Variants in VAT1L observed in about 807,000 individuals in gnomAD.
The protein encoded by VAT1L is putative NADPH-dependent quinone oxidoreductase VAT1L.
VAT1L carries 34 observed loss-of-function variants against 44.1 expected under a neutral mutation model. The observed-to-expected ratio is 0.77, with a 90% CI of 0.59 to 1.03. The LOEUF (loss-of-function observed/expected upper bound fraction) is 1.03, where lower values mean the gene tolerates loss of function less well. Among genes scored for constraint, VAT1L ranks in the 50% least tolerant of loss-of-function variants. VAT1L has a pLI of 0.00. For synonymous variants in VAT1L, 253 were observed against 202.2 expected, an observed-to-expected ratio of 1.25 and a Z score of -2.13; for missense variants, 615 against 538.8, an observed-to-expected ratio of 1.14 and a Z score of -1.40.
intron 3 of VAT1L, among the ~76,000 whole-genome samples, chr16:77,844,066 G>A (rs1005477225): frequency 3.9e-5 from 6 of 152,144 alleles, no homozygotes; most frequent in African/African-American, 9.7e-5. Flanking sequence ...AGGGAGAAAG[G>A]CACATAGCTA....
chr16:77,798,507 A>G (rs774528901), intron 1 of VAT1L, among the ~76,000 whole-genome samples: 14 of 152,216 alleles, frequency 9.2e-5, no homozygotes, highest in Non-Finnish European at 1.6e-4. Flanking sequence ...ATGTTGATAC[A>G]TTTCATATTT....
chr16:77,863,198 G>A (rs961917839), intron 4 of VAT1L, among the ~76,000 whole-genome samples: 2 of 152,300 alleles, frequency 1.3e-5, no homozygotes, highest in Non-Finnish European at 2.9e-5. Flanking sequence ...AGCTTAAGGT[G>A]GATATTTGGT....
intron 6 of VAT1L, among the ~76,000 whole-genome samples, chr16:77,883,803 C>T (rs983308309): frequency 2.6e-5 from 4 of 152,132 alleles, no homozygotes; most frequent in Non-Finnish European, 5.9e-5. Flanking sequence ...CTACCCGCCT[C>T]CCCAGATTTA....
intron 3 of VAT1L, among the ~76,000 whole-genome samples, chr16:77,831,913 T>C (rs1336823925): frequency 6.6e-6 from 1 of 151,834 alleles, no homozygotes; most frequent in East Asian, 1.9e-4. Flanking sequence ...CCTCCCGGCT[T>C]CAATCGATTC....
intron 7 of VAT1L, among the ~76,000 whole-genome samples, chr16:77,920,911 A>G (rs2017604494): frequency 6.7e-6 from 1 of 149,816 alleles, no homozygotes; most frequent in Non-Finnish European, 1.5e-5. Flanking sequence ...TATCCTCATC[A>G]TTAGGTGTCA....
intron 7 of VAT1L, among the ~76,000 whole-genome samples, chr16:77,946,173 C>T (rs2435077): frequency 6.6e-6 from 1 of 151,584 alleles, no homozygotes. Context: ...CCCTCTTGTA[C>T]ACTCATAAGC....
rs571671242 is a variant in VAT1L at position 77,859,149 on chromosome 16, A to T, written c.580-3599A>T. On this transcript the variant is annotated intron_variant, in intron 3 of 8. Transcript: ENST00000302536. Reference sequence around the variant, plus strand: ...AAACTCCATCTCAAAAAAAAAAAAAAACTATTTGGGTGTGGTGGCATGTAC... The same window carrying T: ...AAACTCCATCTCAAAAAAAAAAAAATACTATTTGGGTGTGGTGGCATGTAC... Among the ~76,000 whole-genome samples the T allele has an allele frequency of 1.7e-4, 26 of 151,916 alleles. No homozygotes were observed. The East Asian group carries it at 4.5e-3, about 26-fold the overall frequency.
chr16:77,798,732 G>A (rs925489776), intron 1 of VAT1L, among the ~76,000 whole-genome samples: 3 of 152,178 alleles, frequency 2.0e-5, no homozygotes, highest in African/African-American at 7.2e-5. Flanking sequence ...ATATGCCACT[G>A]TGTCATGACA....
At chr16:77,814,020 T>G (rs2016310075) in intron 1 of VAT1L, among the ~76,000 whole-genome samples, 1 of 152,216 alleles carries the variant, frequency 6.6e-6, no homozygotes, top group African/African-American at 2.4e-5. Flanking sequence ...AGATCCTGAC[T>G]TTGACACTTT....
chr16:77,879,314 CA>C lies in VAT1L; in HGVS notation c.882+91del. The C allele has an allele frequency of 7.0e-7, 1 of 1,423,214 alleles. No homozygotes were observed. The highest frequency in any genetic ancestry group is 9.9e-7 in the Non-Finnish European group (1 of 1,009,044). 88.2% of individuals were successfully genotyped at this position (1,423,214 alleles called of 1,614,324 possible). A position where few individuals can be genotyped will look rare whatever the true frequency, so the allele number is the denominator to read the frequency against. Reference sequence around the variant, plus strand: ...TTTTGTTTGTTTGTTTGTTTTGAGACAGCGTCTCGTTCTGTCACCAGGCTGG... The same window carrying C: ...TTTTGTTTGTTTGTTTGTTTTGAGACGCGTCTCGTTCTGTCACCAGGCTGG... On this transcript the variant is annotated intron_variant, in intron 6 of 8. Transcript: ENST00000302536. The surrounding 1 kb of genome is among the most constrained non-coding windows in gnomAD (Gnocchi z 4.1).
intron 7 of VAT1L, among the ~76,000 whole-genome samples, chr16:77,943,080 G>A (rs1231655993): frequency 3.7e-5 from 5 of 134,388 alleles, no homozygotes; most frequent in Non-Finnish European, 8.0e-5. Context: ...TTTTTGAGAT[G>A]GAGTCTGCCT....
intron 7 of VAT1L, among the ~76,000 whole-genome samples, chr16:77,922,032 G>A (rs1203321171): frequency 6.6e-6 from 1 of 152,184 alleles, no homozygotes; most frequent in Non-Finnish European, 1.5e-5. Context: ...ACAGGCATGA[G>A]CCACTGCATT....
At position 77,835,664 on chromosome 16, in the gene VAT1L, GGAGTTCAAAACCAGCCTGGCCAACAT is replaced by G. The variant is rs1435899013; in HGVS notation, c.579+10205_579+10230del. ...AAAGCAGGTGGATCACCTGAGGTCA[GGAGTTCAAAACCAGCCTGGCCAACAT>G]GGTGAAACCCCATCTCTACTAAAAA... On this transcript the variant is annotated intron_variant, in intron 3 of 8. Transcript: ENST00000302536. Among the ~76,000 whole-genome samples, 9 of 152,248 alleles carry G rather than the reference GGAGTTCAAAACCAGCCTGGCCAACAT, an allele frequency of 5.9e-5. No individual in the cohort carries two copies. The East Asian group carries it at 1.7e-3, about 30-fold the overall frequency.
chr16:77,870,044 T>C (rs1373469857), intron 4 of VAT1L, among the ~76,000 whole-genome samples: 1 of 152,198 alleles, frequency 6.6e-6, no homozygotes, highest in Non-Finnish European at 1.5e-5. Flanking sequence ...TAGAAGGCAT[T>C]CCTGGAGGTA....
intron 1 of VAT1L, among the ~76,000 whole-genome samples, chr16:77,791,784 T>C (rs1048550261): frequency 3.3e-5 from 5 of 152,182 alleles, no homozygotes; most frequent in African/African-American, 7.2e-5. Context: ...CTCCAGAAAG[T>C]AGAGACATTT....
At chr16:77,819,507 G>C (rs1221760155) in intron 2 of VAT1L, among the ~76,000 whole-genome samples, 1 of 151,896 alleles carries the variant, frequency 6.6e-6, no homozygotes, top group Non-Finnish European at 1.5e-5. Context: ...TCAGCCTCCT[G>C]AGTAGCTGGG....
At chr16:77,962,383 C>T (rs1468326848) in intron 7 of VAT1L, among the ~76,000 whole-genome samples, 2 of 152,024 alleles carry the variant, frequency 1.3e-5, no homozygotes, top group Non-Finnish European at 2.9e-5. Context: ...CCTTTGGCTT[C>T]AACCAAAGGG....
In VAT1L at chr16:77,884,485, T is replaced by C. The variant is rs751420957; in HGVS notation, c.883-123T>C. On this transcript the variant is annotated intron_variant, in intron 6 of 8. Coordinates refer to ENST00000302536, the MANE Select transcript of VAT1L (RefSeq NM_020927.3). The surrounding 1 kb of genome is among the most constrained non-coding windows in gnomAD (Gnocchi z 4.5). ...CACCAAGAGCAACCCCTTGGCCAGC[T>C]GGAATCTGCTGAGCTGCAGCCCCAC... 1.1e-5 allele frequency: 9 copies of C among 853,386 alleles called. No homozygotes were observed. Among genetic ancestry groups the C allele is most frequent in the African/African-American group, 1.8e-5 (1 of 55,100 alleles). 52.9% of individuals were successfully genotyped at this position (853,386 alleles called of 1,614,324 possible). A position where few individuals can be genotyped will look rare whatever the true frequency, so the allele number is the denominator to read the frequency against.
rs2016927697 is a variant in VAT1L at position 77,862,657 on chromosome 16, G to A, written c.580-91G>A. On this transcript the variant is annotated intron_variant, in intron 3 of 8. Coordinates refer to ENST00000302536, the MANE Select transcript of VAT1L (RefSeq NM_020927.3). ...AAAAAAAAAAAAAAAAGTCAATAGTGCCGATGGAGAAATCCTGCTCTACAC... is the reference window on the plus strand; with the variant it reads ...AAAAAAAAAAAAAAAAGTCAATAGTACCGATGGAGAAATCCTGCTCTACAC... 4 of 915,178 alleles carry A rather than the reference G, an allele frequency of 4.4e-6. No individual in the cohort carries two copies. In the South Asian group the frequency reaches 5.9e-5, roughly 14 times the overall value. The allele number at this position is 915,178 out of a possible 1,614,324, so 56.7% of individuals were successfully genotyped here.
Sources: gnomAD v4.1 joint callset for allele counts (sites outside exome capture counted in the v4.1 genomes callset) on GRCh38, gnomAD v4.1.1 for gene constraint, Gnocchi (gnomAD v3.1) non-coding constraint, MANE v1.5 for transcripts, NCBI Gene and HGNC (gene_info 2026-07-23, HGNC 2026-07-21) for gene names.